ZCCHC8: variants seen among roughly 807,000 people sequenced by gnomAD.
ZCCHC8 encodes the protein zinc finger CCHC domain-containing protein 8.
Under a neutral mutation model 70.6 loss-of-function variants are expected in ZCCHC8, and 27 were observed. The observed-to-expected ratio is 0.38, with a 90% CI of 0.28 to 0.53. The LOEUF (loss-of-function observed/expected upper bound fraction) is 0.53. Ranked by LOEUF, ZCCHC8 falls within the 20% of genes least tolerant of loss-of-function variation. The pLI is 0.81. For synonymous variants in ZCCHC8, 293 were observed against 317.4 expected (o/e 0.92, Z 0.82); for missense variants, 737 against 876.9 (o/e 0.84, Z 2.01).
chr12:122,476,061 C>A (rs1957411617), intron 13 of ZCCHC8, among the ~76,000 whole-genome samples: 1 of 152,224 alleles, frequency 6.6e-6, no homozygotes, highest in Admixed American at 6.5e-5. Context: ...TTCCTCTGTG[C>A]CACCATTACA....
intron 11 of ZCCHC8, among the ~76,000 whole-genome samples, chr12:122,478,694 T>C (rs1957471527): frequency 6.6e-6 from 1 of 152,274 alleles, no homozygotes; most frequent in African/African-American, 2.4e-5. Context: ...GCTCTTTCTC[T>C]TTCCAAATAC....
At position 122,489,408 on chromosome 12, in the gene ZCCHC8, T is replaced by G; in HGVS notation, c.479A>C (p.Lys160Thr). ...DHKVEESCAI[K>T]NNKEAFSVVG... ...TACACTGAAAGCTTCCTTGTTGTTT[T>G]TAATGGCACAGGACTCTTCCACTTT... Residue 160 changes from lysine to threonine, a missense_variant, in exon 5 of 14, where the codon AAA (lysine) becomes ACA (threonine). Physicochemically the swap from Lys to Thr is moderately conservative, Grantham distance 78. Coordinates refer to ENST00000633063, the MANE Select transcript of ZCCHC8 (RefSeq NM_017612.5). 1 of 1,613,758 alleles carries G rather than the reference T, an allele frequency of 6.2e-7. No homozygotes were observed. The highest frequency in any genetic ancestry group is 1.1e-5 in the South Asian group (1 of 91,036).
chr12:122,481,840 T>C (rs1205928190), intron 9 of ZCCHC8, 105 bp downstream of exon 9: 2 of 1,437,774 alleles, frequency 1.4e-6, no homozygotes, highest in East Asian at 4.9e-5. Context: ...ACCTAGGGCT[T>C]TGCCAGAGTA....
In ZCCHC8 at chr12:122,471,710, TTC is replaced by T. The variant is rs1266123805; in HGVS notation, c.*1785_*1786del. The T allele has an allele frequency of 2.0e-5, 3 of 152,236 alleles. No individual in the cohort carries two copies. The highest frequency in any genetic ancestry group is 2.0e-4 in the Admixed American group (3 of 15,276). The allele number at this position is 152,236 out of a possible 1,614,324, so 9.4% of individuals were successfully genotyped here. On this transcript the variant is annotated 3_prime_UTR_variant, in exon 14 of 14. Coordinates refer to ENST00000633063, the MANE Select transcript of ZCCHC8 (RefSeq NM_017612.5). Reference sequence around the variant, plus strand: ...TTCTGTGAGGGCTTTAAAAAGAAATTTCTCTCTTTATAATTTTCCTTTCCTTT... The same window carrying T: ...TTCTGTGAGGGCTTTAAAAAGAAATTTCTCTTTATAATTTTCCTTTCCTTT...
intron 13 of ZCCHC8, among the ~76,000 whole-genome samples, chr12:122,475,787 C>G (rs1957407422): frequency 6.6e-6 from 1 of 152,194 alleles, no homozygotes; most frequent in African/African-American, 2.4e-5. Flanking sequence ...TGCCCAGACC[C>G]CACAGGATGA....
chr12:122,482,579 T>G, intron 8 of ZCCHC8, 56 bp downstream of exon 8: 1 of 1,407,512 alleles, frequency 7.1e-7, no homozygotes, highest in Non-Finnish European at 9.8e-7. Flanking sequence ...ATAAATGTGT[T>G]GAAAACATTA....
In ZCCHC8 at chr12:122,478,443, T is replaced by C. The variant is rs199938693; in HGVS notation, c.1141-151A>G. 11 of 623,204 alleles carry C rather than the reference T, an allele frequency of 1.8e-5. No individual in the cohort carries two copies. The South Asian group carries it at 2.3e-4, about 13-fold the overall frequency. 38.6% of individuals were successfully genotyped at this position (623,204 alleles called of 1,614,324 possible). A position where few individuals can be genotyped will look rare whatever the true frequency, so the allele number is the denominator to read the frequency against. On this transcript the variant is annotated intron_variant, in intron 11 of 13. Transcript: ENST00000633063. ...CTTTATTGGAAATTAAGGAAAATAATGTGTTGAAGGAAAACTAAACTTGCC... is the reference window on the plus strand; with the variant it reads ...CTTTATTGGAAATTAAGGAAAATAACGTGTTGAAGGAAAACTAAACTTGCC...
At chr12:122,498,177 A>G (rs1333603538) in intron 2 of ZCCHC8, among the ~76,000 whole-genome samples, 2 of 76,338 alleles carry the variant, frequency 2.6e-5, no homozygotes, top group Non-Finnish European at 5.0e-5. Context: ...TTTTTTTTTC[A>G]GACGGAGTTT....
At chr12:122,484,414 A>AT (rs59816817) in intron 5 of ZCCHC8, among the ~76,000 whole-genome samples, 21,819 of 138,688 alleles carry the variant, frequency 0.16, 2,135 homozygotes, top group East Asian at 0.47. Context: ...ATACTCTTTA[A>AT]TTTTTTTTTT....
In ZCCHC8 at chr12:122,483,421, C is replaced by T. The variant is rs775555614; in HGVS notation, c.605+39G>A. The T allele has an allele frequency of 1.1e-5, 17 of 1,569,948 alleles. No individual in the cohort carries two copies. In the East Asian group the frequency reaches 3.5e-4, roughly 32 times the overall value. On this transcript the variant is annotated intron_variant, in intron 6 of 13. Coordinates refer to ENST00000633063, the MANE Select transcript of ZCCHC8 (RefSeq NM_017612.5). The surrounding 1 kb of genome is among the most constrained non-coding windows in gnomAD (Gnocchi z 4.4). The stretch of plus-strand genomic sequence containing the variant: ...ATTGTTTTAAAGGTGAACTTAGTGG[C>T]AAGATGCATAAAAGATCTTCATTCA...
Position 122,483,383 on chromosome 12 carries a change from G to T in ZCCHC8, c.606-39C>A, listed in dbSNP as rs746850874. 9 of 1,572,424 alleles carry T rather than the reference G, an allele frequency of 5.7e-6. No homozygotes were observed. In the Admixed American group the frequency reaches 1.7e-4, roughly 29 times the overall value. The stretch of plus-strand genomic sequence containing the variant: ...TATTAAGGAATAGTTATCATGGTCT[G>T]CAAAATTTGGAAATTGTTTTAAAGG... On this transcript the variant is annotated intron_variant, in intron 6 of 13. Coordinates refer to ENST00000633063, the MANE Select transcript of ZCCHC8 (RefSeq NM_017612.5). The surrounding 1 kb of genome is among the most constrained non-coding windows in gnomAD (Gnocchi z 4.4).
chr12:122,500,625 G>A lies in ZCCHC8; in HGVS notation c.199+17C>T. ...CCCCACACCCGGGTGACAGGGCCCAGCGAGAGGAAAGGATATTCTCGGCGC... is the reference window on the plus strand; with the variant it reads ...CCCCACACCCGGGTGACAGGGCCCAACGAGAGGAAAGGATATTCTCGGCGC... On this transcript the variant is annotated intron_variant, in intron 1 of 13. Transcript: ENST00000633063. This position sits in a 1 kb window ranked among gnomAD's most constrained non-coding sequence, Gnocchi z 4.8. The A allele has an allele frequency of 1.9e-6, 3 of 1,553,528 alleles. No individual in the cohort carries two copies. The highest frequency in any genetic ancestry group is 2.6e-6 in the Non-Finnish European group (3 of 1,151,494).
chr12:122,476,696 G>A (rs1957425470), intron 13 of ZCCHC8, among the ~76,000 whole-genome samples: 1 of 151,912 alleles, frequency 6.6e-6, no homozygotes, highest in Non-Finnish European at 1.5e-5. Flanking sequence ...GGTGACAGGG[G>A]TGCCACCACC....
chr12:122,485,132 G>T (rs536688961), intron 5 of ZCCHC8, among the ~76,000 whole-genome samples: 55 of 152,220 alleles, frequency 3.6e-4, no homozygotes, highest in Admixed American at 6.5e-4. Flanking sequence ...TTTTGAGACG[G>T]AGTTTCGCTC....
In ZCCHC8 at chr12:122,483,615, T is replaced by A; in HGVS notation, c.502-52A>T. ...GCTATTTAAGCAGAAAAAAAGACAT[T>A]AAATAATGTAAGATTATGATTAACT... On this transcript the variant is annotated intron_variant, in intron 5 of 13. Coordinates refer to ENST00000633063, the MANE Select transcript of ZCCHC8 (RefSeq NM_017612.5). The surrounding 1 kb of genome is among the most constrained non-coding windows in gnomAD (Gnocchi z 4.4). The A allele has an allele frequency of 1.6e-6, 2 of 1,280,094 alleles. No individual in the cohort carries two copies. The highest frequency in any genetic ancestry group is 2.2e-6 in the Non-Finnish European group (2 of 909,394). The allele number at this position is 1,280,094 out of a possible 1,614,324, so 79.3% of individuals were successfully genotyped here. A position where few individuals can be genotyped will look rare whatever the true frequency, so the allele number is the denominator to read the frequency against.
At chr12:122,475,165 T>C (rs1957394667) in intron 13 of ZCCHC8, among the ~76,000 whole-genome samples, 2 of 152,036 alleles carry the variant, frequency 1.3e-5, no homozygotes, top group South Asian at 4.1e-4. Context: ...CTTCTGCCTC[T>C]GCCTCCCAAG....
At position 122,490,586 on chromosome 12, in the gene ZCCHC8, T is replaced by C. The variant is rs1187128336; in HGVS notation, c.318-19A>G. The C allele has an allele frequency of 2.0e-6, 3 of 1,522,098 alleles. No individual in the cohort carries two copies. 94.3% of individuals were successfully genotyped at this position (1,522,098 alleles called of 1,614,324 possible). On this transcript the variant is annotated intron_variant, in intron 3 of 13. Transcript: ENST00000633063. Reference sequence around the variant, plus strand: ...ATATTGCCTGTGTAAGAGGACAAAATGGTCAGAACCCAGACAGAGTAAAAC... The same window carrying C: ...ATATTGCCTGTGTAAGAGGACAAAACGGTCAGAACCCAGACAGAGTAAAAC...
Position 122,483,419 on chromosome 12 carries a change from G to A in ZCCHC8, c.605+41C>T. ...AAATTGTTTTAAAGGTGAACTTAGT[G>A]GCAAGATGCATAAAAGATCTTCATT... On this transcript the variant is annotated intron_variant, in intron 6 of 13. Coordinates refer to ENST00000633063, the MANE Select transcript of ZCCHC8 (RefSeq NM_017612.5). This position sits in a 1 kb window ranked among gnomAD's most constrained non-coding sequence, Gnocchi z 4.4. 1 of 1,569,694 alleles carries A rather than the reference G, an allele frequency of 6.4e-7. No homozygotes were observed.
Position 122,477,993 on chromosome 12 carries a change from G to C in ZCCHC8, c.1228-35C>G, listed in dbSNP as rs776566447. ...CAACCAGACCAAACACAAGTTAAGCGGGGTAGATAATGAATTAAACTCCAT... is the reference window on the plus strand; with the variant it reads ...CAACCAGACCAAACACAAGTTAAGCCGGGTAGATAATGAATTAAACTCCAT... On this transcript the variant is annotated intron_variant, in intron 12 of 13. Coordinates refer to ENST00000633063, the MANE Select transcript of ZCCHC8 (RefSeq NM_017612.5). 2.5e-5 allele frequency: 38 copies of C among 1,506,550 alleles called. No individual in the cohort carries two copies. The East Asian group carries it at 3.8e-4, about 15-fold the overall frequency. 93.3% of individuals were successfully genotyped at this position (1,506,550 alleles called of 1,614,324 possible).
Sources: gnomAD v4.1 joint callset for allele counts (sites outside exome capture counted in the v4.1 genomes callset) on GRCh38, gnomAD v4.1.1 for gene constraint, Gnocchi (gnomAD v3.1) non-coding constraint, MANE v1.5 for transcripts, NCBI Gene and HGNC (gene_info 2026-07-23, HGNC 2026-07-21) for gene names.